ABTB3: variants seen among roughly 807,000 people sequenced by gnomAD.
ABTB3 encodes ankyrin repeat and BTB domain containing 3, also known as ankyrin repeat- and BTB/POZ domain-containing protein 3.
the ABTB3 span, among the ~76,000 whole-genome samples, chr12:107,629,415 C>G: frequency 6.6e-6 from 1 of 151,904 alleles, no homozygotes; most frequent in Non-Finnish European, 1.5e-5. Context: ...AGGGAGAGAC[C>G]CTGTCTCAAA....
At chr12:107,525,443 A>G in the ABTB3 span, among the ~76,000 whole-genome samples, 1 of 152,008 alleles carries the variant, frequency 6.6e-6, no homozygotes, top group South Asian at 2.1e-4. Flanking sequence ...ATACACAAGT[A>G]CTTCCCATTG....
chr12:107,349,027 C>A, the ABTB3 span, among the ~76,000 whole-genome samples: 1 of 152,128 alleles, frequency 6.6e-6, no homozygotes, highest in East Asian at 1.9e-4. Context: ...TCTCTCTGTA[C>A]CTGTAAACCT....
the ABTB3 span, among the ~76,000 whole-genome samples, chr12:107,535,916 T>A: frequency 6.6e-6 from 1 of 152,036 alleles, no homozygotes; most frequent in African/African-American, 2.4e-5. Flanking sequence ...AAGGTTTATA[T>A]GGAAATACAA....
the ABTB3 span, among the ~76,000 whole-genome samples, chr12:107,545,526 A>T: frequency 6.6e-6 from 1 of 152,158 alleles, no homozygotes; most frequent in African/African-American, 2.4e-5. Flanking sequence ...TTACAGGGTG[A>T]GCAATCATGC....
the ABTB3 span, among the ~76,000 whole-genome samples, chr12:107,643,119 T>C: frequency 4.6e-5 from 7 of 152,024 alleles, no homozygotes; most frequent in African/African-American, 1.4e-4. Context: ...GACCTGGGGA[T>C]AGAGTTTATA....
chr12:107,362,211 C>T, the ABTB3 span, among the ~76,000 whole-genome samples: 4 of 152,196 alleles, frequency 2.6e-5, no homozygotes, highest in East Asian at 7.7e-4. Context: ...ATGTAAGTAC[C>T]TACTCATGAG....
chr12:107,396,235 G>C, the ABTB3 span, among the ~76,000 whole-genome samples: 9 of 152,212 alleles, frequency 5.9e-5, no homozygotes, highest in Admixed American at 2.0e-4. Flanking sequence ...TGTACTGTAA[G>C]TGAATGCATA....
At chr12:107,520,381 G>T in the ABTB3 span, 1 of 1,493,692 alleles carries the variant, frequency 6.7e-7, no homozygotes, top group Admixed American at 2.0e-5. Context: ...TGCAGTACCA[G>T]CTCTGGCGTG....
the ABTB3 span, among the ~76,000 whole-genome samples, chr12:107,577,374 A>C: frequency 7.2e-5 from 11 of 152,278 alleles, no homozygotes; most frequent in African/African-American, 2.2e-4. Context: ...TCAGTTCTGC[A>C]AAATCCCAAA....
chr12:107,503,133 G>A, the ABTB3 span, among the ~76,000 whole-genome samples: 1 of 152,162 alleles, frequency 6.6e-6, no homozygotes, highest in East Asian at 1.9e-4. Flanking sequence ...TATCGTTTCC[G>A]AGGGAAGGAA....
the ABTB3 span, among the ~76,000 whole-genome samples, chr12:107,629,304 T>A: frequency 6.6e-6 from 1 of 152,094 alleles, no homozygotes; most frequent in African/African-American, 2.4e-5. Flanking sequence ...ACACCTGTAG[T>A]CTCACCTACC....
At chr12:107,503,530 G>A in the ABTB3 span, among the ~76,000 whole-genome samples, 1 of 151,946 alleles carries the variant, frequency 6.6e-6, no homozygotes, top group Non-Finnish European at 1.5e-5. Flanking sequence ...ATTTTGGGGG[G>A]CCGAGGTGGG....
the ABTB3 span, among the ~76,000 whole-genome samples, chr12:107,545,984 T>C: frequency 6.6e-6 from 1 of 152,216 alleles, no homozygotes; most frequent in South Asian, 2.1e-4. Flanking sequence ...TCCAGAACCT[T>C]TTCATCTCAC....
the ABTB3 span, among the ~76,000 whole-genome samples, chr12:107,563,230 C>T: frequency 6.6e-6 from 1 of 152,188 alleles, no homozygotes; most frequent in African/African-American, 2.4e-5. Flanking sequence ...GAACCATTCC[C>T]TGGAGTAAAG....
the ABTB3 span, among the ~76,000 whole-genome samples, chr12:107,460,399 A>G: frequency 6.6e-6 from 1 of 152,264 alleles, no homozygotes; most frequent in African/African-American, 2.4e-5. Flanking sequence ...TCATGCCTGT[A>G]ATCCCAGCAC....
At chr12:107,398,120 C>A in the ABTB3 span, among the ~76,000 whole-genome samples, 1 of 152,216 alleles carries the variant, frequency 6.6e-6, no homozygotes, top group African/African-American at 2.4e-5. Context: ...CAGACCTTTC[C>A]ATTACACAGC....
chr12:107,569,177 C>A, the ABTB3 span, among the ~76,000 whole-genome samples: 1 of 152,198 alleles, frequency 6.6e-6, no homozygotes, highest in Non-Finnish European at 1.5e-5. Context: ...ATGGCAAGGA[C>A]ACCAAAGATG....
the ABTB3 span, among the ~76,000 whole-genome samples, chr12:107,393,385 G>C: frequency 6.6e-6 from 1 of 152,014 alleles, no homozygotes; most frequent in Non-Finnish European, 1.5e-5. Flanking sequence ...AAAATCCATA[G>C]GAATCCAAAG....
the ABTB3 span, among the ~76,000 whole-genome samples, chr12:107,383,221 C>T: frequency 6.6e-6 from 1 of 152,220 alleles, no homozygotes; most frequent in African/African-American, 2.4e-5. Context: ...ACTCCAGAAG[C>T]CAGGCCTATA....
Sources: allele counts gnomAD v4.1 joint callset (sites outside exome capture counted in the v4.1 genomes callset), GRCh38; gene constraint gnomAD v4.1.1; transcripts MANE v1.5; gene names NCBI Gene and HGNC (gene_info 2026-07-23, HGNC 2026-07-21).